The following YIPF7 variants were observed in gnomAD, a reference collection of about 807,000 sequenced individuals.
YIPF7 encodes the protein Yip1 domain family member 7.
In YIPF7, 35 loss-of-function variants were observed where a neutral mutation model predicts 27.2. The ratio of observed to expected loss-of-function variants is 1.29; its 90% CI spans 0.98 to 1.70. YIPF7 has a LOEUF of 1.70. YIPF7 is among the 40% of genes most tolerant of loss of function. The pLI is 0.00. For missense variants in YIPF7, 358 were observed against 303.7 expected (o/e 1.18, Z -1.33); for synonymous variants, 137 against 110.4 (o/e 1.24, Z -1.51).
chr4:44,652,255 C>G (rs962444994), upstream of YIPF7, among the ~76,000 whole-genome samples: 2 of 152,094 alleles, frequency 1.3e-5, no homozygotes, highest in African/African-American at 4.8e-5. Flanking sequence ...CTGAATTGGC[C>G]CTTCTCTGTA....
chr4:44,650,078 T>C lies in YIPF7; in HGVS notation c.23A>G (p.Asp8Gly), dbSNP rs1192889107. Residue 8 changes from aspartate (D) to glycine (G), a missense_variant, in exon 2 of 6, where the codon GAC (aspartate) becomes GGC (glycine). Coordinates refer to ENST00000415895, the MANE Select transcript of YIPF7 (RefSeq NM_182592.3). ...AAAATTAGATTGGTAAAAATCAGAG[T>C]CAAATTGTGCCAAGTTTGACATCCT... MSNLAQFDSDFYQSNFTI... is the reference protein window; with the variant it reads MSNLAQFGSDFYQSNFTI... 6.4e-7 allele frequency: 1 copy of C among 1,573,856 alleles called. No individual in the cohort carries two copies. The highest frequency in any genetic ancestry group is 1.2e-5 in the South Asian group (1 of 85,760).
intron 2 of YIPF7, among the ~76,000 whole-genome samples, chr4:44,643,093 G>A (rs892807699): frequency 2.0e-5 from 3 of 152,142 alleles, no homozygotes; most frequent in Non-Finnish European, 4.4e-5. Flanking sequence ...GAAAAATTTG[G>A]AACTTCCTAA....
At chr4:44,652,489 A>C (rs527632912), upstream of YIPF7, among the ~76,000 whole-genome samples, 3 of 152,368 alleles carry the variant, frequency 2.0e-5, no homozygotes, top group East Asian at 5.8e-4. Flanking sequence ...AAGGCAGATA[A>C]TTTGGCACTT....
At chr4:44,624,269 G>T (rs1460718483) in intron 5 of YIPF7, among the ~76,000 whole-genome samples, 1 of 151,864 alleles carries the variant, frequency 6.6e-6, no homozygotes, top group Non-Finnish European at 1.5e-5. Flanking sequence ...TCTCCACGCT[G>T]GTTAGGCTGG....
At chr4:44,651,205 G>A (rs745739632) in intron 1 of YIPF7, among the ~76,000 whole-genome samples, 1 of 152,086 alleles carries the variant, frequency 6.6e-6, no homozygotes, top group Admixed American at 6.6e-5. Flanking sequence ...AACACAAAAA[G>A]CTTCTCTAAA....
intron 5 of YIPF7, among the ~76,000 whole-genome samples, chr4:44,623,294 C>T (rs773550197): frequency 2.6e-5 from 4 of 152,072 alleles, no homozygotes; most frequent in Non-Finnish European, 4.4e-5. Context: ...TTCTTATGTG[C>T]TAAATAGAAT....
At chr4:44,636,199 C>A in intron 2 of YIPF7, 114 bp from the exon 3 acceptor site, 1 of 1,114,738 alleles carries the variant, frequency 9.0e-7, no homozygotes. Flanking sequence ...AGTATTTACT[C>A]ATGAAAGAAA....
intron 2 of YIPF7, among the ~76,000 whole-genome samples, chr4:44,644,716 G>T: frequency 6.6e-6 from 1 of 152,118 alleles, no homozygotes; most frequent in East Asian, 1.9e-4. Flanking sequence ...TTTGAACTTT[G>T]AAATGTGAGG....
upstream of YIPF7, among the ~76,000 whole-genome samples, chr4:44,652,155 C>T (rs1471807500): frequency 6.6e-6 from 1 of 152,126 alleles, no homozygotes; most frequent in African/African-American, 2.4e-5. Flanking sequence ...GGATCTAGTG[C>T]TTCTTACCTG....
Position 44,629,536 on chromosome 4 carries a change from T to C in YIPF7, c.293A>G (p.His98Arg), listed in dbSNP as rs763782279. 3.2e-6 allele frequency: 5 copies of C among 1,540,338 alleles called. No homozygotes were observed. Among genetic ancestry groups the C allele is most frequent in the Non-Finnish European group, 4.4e-6 (5 of 1,144,258 alleles). The change falls in exon 4 of 6, where the codon CAT (histidine) becomes CGT (arginine). Residue 98 changes from histidine to arginine, a missense_variant. By Grantham distance (29) the His-to-Arg change is conservative. Coordinates refer to ENST00000415895, the MANE Select transcript of YIPF7 (RefSeq NM_182592.3). ...EPPLLEELGI[H>R]FDHIWQKTLT... Reference sequence around the variant, plus strand: ...AGTTTTTTGCCATATGTGATCAAAATGGATTCCAAGTTCTGTAAAAAGGAA... The same window carrying C: ...AGTTTTTTGCCATATGTGATCAAAACGGATTCCAAGTTCTGTAAAAAGGAA...
intron 2 of YIPF7, among the ~76,000 whole-genome samples, chr4:44,644,487 G>A (rs1273708854): frequency 1.3e-5 from 2 of 152,142 alleles, no homozygotes; most frequent in African/African-American, 4.8e-5. Flanking sequence ...TGCACTGCTG[G>A]GTTTTAAACT....
At chr4:44,661,727 C>T (rs951952594) in intron 1 of YIPF7, among the ~76,000 whole-genome samples, 11 of 152,176 alleles carry the variant, frequency 7.2e-5, no homozygotes, top group African/African-American at 2.4e-4. Flanking sequence ...AATTATTGGG[C>T]TTAAACCTTC....
rs780904973 is a variant in YIPF7, at chr4:44,650,097, A to G, written c.4T>C (p.Ser2Pro). M[S>P]NLAQFDSDFY... ...TCAGAGTCAAATTGTGCCAAGTTTG[A>G]CATCCTGAAAAATAAGAGTATGTTT... The change falls in exon 2 of 6, where the codon TCA becomes CCA. Residue 2 changes from serine to proline, a missense_variant. Coordinates refer to ENST00000415895, the MANE Select transcript of YIPF7 (RefSeq NM_182592.3). 11 of 1,539,364 alleles carry G rather than the reference A, an allele frequency of 7.1e-6. No individual in the cohort carries two copies. The Admixed American group carries it at 1.9e-4, about 27-fold the overall frequency.
intron 1 of YIPF7, among the ~76,000 whole-genome samples, chr4:44,650,505 GCGCACACA>G (rs1281291922): frequency 6.0e-4 from 74 of 122,368 alleles, no homozygotes; most frequent in Middle Eastern, 3.7e-3. Flanking sequence ...GCGCGCGCGC[GCGCACACA>G]CACACACACA....
intron 3 of YIPF7, 26 bp downstream of exon 3, chr4:44,635,896 A>G: frequency 6.2e-7 from 1 of 1,611,618 alleles, no homozygotes; most frequent in Non-Finnish European, 8.5e-7. Flanking sequence ...AGCTGTACAC[A>G]CATTAATAAC....
chr4:44,635,700 A>C (rs1713090374), intron 3 of YIPF7, among the ~76,000 whole-genome samples: 1 of 152,176 alleles, frequency 6.6e-6, no homozygotes, highest in South Asian at 2.1e-4. Flanking sequence ...TAATAGGTGC[A>C]GCAATATCAC....
chr4:44,655,075 C>T (rs1713852805), upstream of YIPF7, among the ~76,000 whole-genome samples: 1 of 151,934 alleles, frequency 6.6e-6, no homozygotes, highest in Non-Finnish European at 1.5e-5. Context: ...TGATCTGTCA[C>T]ATGTTGTAGA....
intron 1 of YIPF7, among the ~76,000 whole-genome samples, chr4:44,650,561 G>A (rs1405896370): frequency 1.3e-5 from 2 of 151,400 alleles, no homozygotes; most frequent in East Asian, 1.9e-4. Context: ...TCTGCAAATG[G>A]CTGATAATAA....
chr4:44,649,540 C>T (rs1374532501), intron 2 of YIPF7, among the ~76,000 whole-genome samples: 2 of 151,718 alleles, frequency 1.3e-5, no homozygotes, highest in Non-Finnish European at 2.9e-5. Flanking sequence ...GGAGGCCCAG[C>T]GGGGCGGATC....
Sources: gnomAD v4.1 joint callset for allele counts (sites outside exome capture counted in the v4.1 genomes callset) on GRCh38, gnomAD v4.1.1 for gene constraint, MANE v1.5 for transcripts, NCBI Gene and HGNC (gene_info 2026-07-23, HGNC 2026-07-21) for gene names.